Variants in LINGO2 observed in about 807,000 individuals in gnomAD.
LINGO2 encodes leucine-rich repeat and immunoglobulin-like domain-containing nogo receptor-interacting protein 2.
Under a neutral mutation model 30.6 loss-of-function variants are expected in LINGO2, and 14 were observed. That is an observed-to-expected ratio of 0.46 (90% CI 0.30 to 0.72). The LOEUF (loss-of-function observed/expected upper bound fraction) is 0.72, where lower values mean the gene tolerates loss of function less well. Among genes scored for constraint, LINGO2 ranks in the 30% least tolerant of loss-of-function variants. LINGO2 has a pLI of 0.07. For missense variants in LINGO2, 729 were observed against 751.7 expected (o/e 0.97, Z 0.35); for synonymous variants, 317 against 288.5 (o/e 1.10, Z -1.00).
At chr9:28,943,716 T>C in the LINGO2 span, among the ~76,000 whole-genome samples, 2 of 152,046 alleles carry the variant, frequency 1.3e-5, no homozygotes, top group East Asian at 3.9e-4. Flanking sequence ...TGCTCTGTAA[T>C]GGATGGAAAA....
the LINGO2 span, among the ~76,000 whole-genome samples, chr9:28,836,709 A>G: frequency 6.6e-6 from 1 of 151,550 alleles, no homozygotes; most frequent in South Asian, 2.1e-4. Context: ...AGAGCTTAAT[A>G]CATCAGAACT....
At chr9:28,881,758 C>G in the LINGO2 span, among the ~76,000 whole-genome samples, 1 of 151,950 alleles carries the variant, frequency 6.6e-6, no homozygotes, top group African/African-American at 2.4e-5. Flanking sequence ...GGTATTAAGC[C>G]CAGCATCCAC....
At chr9:28,611,175 T>C (rs931745121) in intron 1 of LINGO2, among the ~76,000 whole-genome samples, 4 of 152,166 alleles carry the variant, frequency 2.6e-5, no homozygotes, top group African/African-American at 9.7e-5. Flanking sequence ...CAAAATATCT[T>C]TAAAGGGGAA....
the LINGO2 span, among the ~76,000 whole-genome samples, chr9:29,175,992 C>T: frequency 6.6e-6 from 1 of 152,092 alleles, no homozygotes; most frequent in Non-Finnish European, 1.5e-5. Flanking sequence ...TTCAGGAATC[C>T]TTACTGAGGA....
intron 2 of LINGO2, among the ~76,000 whole-genome samples, chr9:28,396,703 C>CAAAAAAAAAAAAAAAAA (rs60660309): frequency 1.9e-5 from 1 of 53,134 alleles, no homozygotes; most frequent in African/African-American, 7.5e-5. Context: ...GACTCCATCT[C>CAAAAAAAAAAAAAAAAA]AAAAAAAAAA....
chr9:28,981,691 T>C, the LINGO2 span, among the ~76,000 whole-genome samples: 1 of 152,240 alleles, frequency 6.6e-6, no homozygotes, highest in Admixed American at 6.5e-5. Flanking sequence ...CCACCATCTC[T>C]ACCACATATC....
chr9:28,692,735 T>A, the LINGO2 span, among the ~76,000 whole-genome samples: 2 of 152,110 alleles, frequency 1.3e-5, no homozygotes, highest in East Asian at 1.9e-4. Flanking sequence ...AATTGCCTCA[T>A]GTTGGGTGGC....
the LINGO2 span, among the ~76,000 whole-genome samples, chr9:28,957,801 T>C: frequency 3.3e-5 from 5 of 152,214 alleles, no homozygotes; most frequent in African/African-American, 9.6e-5. Flanking sequence ...AACGCATTCA[T>C]AGATCACTTT....
chr9:28,225,189 C>T (rs981863536), intron 4 of LINGO2, among the ~76,000 whole-genome samples: 2 of 152,006 alleles, frequency 1.3e-5, no homozygotes, highest in African/African-American at 4.8e-5. Flanking sequence ...GAAAGGGGGC[C>T]AGTAAATGAG....
chr9:27,957,777 A>G (rs76227287), intron 5 of LINGO2, among the ~76,000 whole-genome samples: 1 of 152,208 alleles, frequency 6.6e-6, no homozygotes, highest in Non-Finnish European at 1.5e-5. Context: ...TGTGTTGATT[A>G]AATTAATAAA....
intron 2 of LINGO2, among the ~76,000 whole-genome samples, chr9:28,471,754 A>G (rs1184814881): frequency 1.3e-5 from 2 of 152,206 alleles, no homozygotes; most frequent in Middle Eastern, 3.2e-3. Context: ...GGAAACTAGC[A>G]TCTGTCTACC....
chr9:28,632,602 GATAA>G (rs1266384198), intron 1 of LINGO2, among the ~76,000 whole-genome samples: 2 of 137,148 alleles, frequency 1.5e-5, no homozygotes, highest in African/African-American at 2.6e-5. Context: ...TAAATATGTA[GATAA>G]ATATATTATC....
At chr9:28,746,715 T>C in the LINGO2 span, among the ~76,000 whole-genome samples, 4 of 151,954 alleles carry the variant, frequency 2.6e-5, no homozygotes, top group Non-Finnish European at 5.9e-5. Flanking sequence ...AATAAAACAC[T>C]CTGCATAGTG....
At chr9:28,360,615 A>T (rs1319724372) in intron 3 of LINGO2, among the ~76,000 whole-genome samples, 1 of 152,178 alleles carries the variant, frequency 6.6e-6, no homozygotes, top group Non-Finnish European at 1.5e-5. Context: ...CCTTCTCCTG[A>T]AAGATGCCTG....
intron 4 of LINGO2, among the ~76,000 whole-genome samples, chr9:28,185,761 T>G (rs1564026060): frequency 6.6e-6 from 1 of 152,156 alleles, no homozygotes. Context: ...TCCAGGAGAA[T>G]GATATGGAAA....
At chr9:28,597,768 G>T (rs1330855703) in intron 1 of LINGO2, among the ~76,000 whole-genome samples, 1 of 152,000 alleles carries the variant, frequency 6.6e-6, no homozygotes, top group African/African-American at 2.4e-5. Flanking sequence ...ATGTATATAT[G>T]TATTTATTTA....
intron 1 of LINGO2, among the ~76,000 whole-genome samples, chr9:28,574,795 A>G (rs1823873573): frequency 6.6e-6 from 1 of 152,166 alleles, no homozygotes; most frequent in Admixed American, 6.5e-5. Context: ...TCCCAGCTTC[A>G]TCTCTAGTTG....
the LINGO2 span, among the ~76,000 whole-genome samples, chr9:29,106,998 T>A: frequency 3.3e-5 from 5 of 152,186 alleles, no homozygotes; most frequent in African/African-American, 1.2e-4. Context: ...AACTAGCCAA[T>A]GCTTTGTACT....
chr9:28,047,518 G>C (rs937523063), intron 4 of LINGO2, among the ~76,000 whole-genome samples: 1 of 150,838 alleles, frequency 6.6e-6, no homozygotes. Context: ...CGGCAGTTAA[G>C]AGCATGGCCT....
Sources: gnomAD v4.1 joint callset for allele counts (sites outside exome capture counted in the v4.1 genomes callset) on GRCh38, gnomAD v4.1.1 for gene constraint, MANE v1.5 for transcripts, NCBI Gene and HGNC (gene_info 2026-07-23, HGNC 2026-07-21) for gene names.